Variants in PHACTR1 observed in about 807,000 individuals in gnomAD.
PHACTR1 encodes the protein RPEL repeat containing 1.
PHACTR1 carries 16 observed loss-of-function variants against 69.2 expected under a neutral mutation model. That is an observed-to-expected ratio of 0.23 (90% CI 0.16 to 0.35). The LOEUF is 0.35. PHACTR1 is among the 10% of genes least tolerant of loss of function. The probability of loss-of-function intolerance (pLI) is 1.00; values close to 1 mark genes in which losing one functional copy is unlikely to be tolerated. For missense variants in PHACTR1, 510 were observed against 734.7 expected (o/e 0.69, Z 3.54); for synonymous variants, 312 against 284.5 (o/e 1.10, Z -0.97).
Position 13,152,106 on chromosome 6 carries a change from G to T in PHACTR1, c.416-8098G>T, listed in dbSNP as rs146721047. Among the ~76,000 whole-genome samples the T allele has an allele frequency of 2.1e-3, 320 of 152,312 alleles. 1 individual carries two copies. Among genetic ancestry groups the T allele is most frequent in the Non-Finnish European group, 3.5e-3 (235 of 68,024 alleles). ...CCAGCACTCTGGGAGGTAGAGGTGGGCGGATCATCTGAAGTCAGGAGTTTG... is the reference window on the plus strand; with the variant it reads ...CCAGCACTCTGGGAGGTAGAGGTGGTCGGATCATCTGAAGTCAGGAGTTTG... On this transcript the variant is annotated intron_variant, in intron 5 of 14. Transcript: ENST00000332995.
At chr6:12,830,132 A>AGAAAGAAAGAAAGAAAG (rs1561923938) in intron 4 of PHACTR1, among the ~76,000 whole-genome samples, 1 of 147,226 alleles carries the variant, frequency 6.8e-6, no homozygotes, top group African/African-American at 2.5e-5. Flanking sequence ...AAAGAAAGAA[A>AGAAAGAAAGAAAGAAAG]GAAAGAAAGA....
chr6:13,227,242 C>T (rs187929063), intron 8 of PHACTR1, among the ~76,000 whole-genome samples: 14 of 152,274 alleles, frequency 9.2e-5, no homozygotes, highest in African/African-American at 2.6e-4. Context: ...GTGTCCATCC[C>T]GCTCTTCCCT....
chr6:13,121,433 C>A (rs1818717104), intron 5 of PHACTR1, among the ~76,000 whole-genome samples: 1 of 152,118 alleles, frequency 6.6e-6, no homozygotes, highest in African/African-American at 2.4e-5. Flanking sequence ...GTCACGTCTT[C>A]TCATATTATT....
At chr6:12,924,300 A>G (rs1788023872) in intron 4 of PHACTR1, among the ~76,000 whole-genome samples, 1 of 152,210 alleles carries the variant, frequency 6.6e-6, no homozygotes, top group Non-Finnish European at 1.5e-5. Flanking sequence ...ATTTGTAATT[A>G]TATTTAGGTT....
At chr6:13,067,694 A>G (rs1808866094) in intron 5 of PHACTR1, among the ~76,000 whole-genome samples, 1 of 152,172 alleles carries the variant, frequency 6.6e-6, no homozygotes, top group Non-Finnish European at 1.5e-5. Context: ...CATTCCATTT[A>G]TGTTTTCAAT....
At chr6:12,722,647 G>C (rs1383717604) in intron 3 of PHACTR1, among the ~76,000 whole-genome samples, 2 of 152,186 alleles carry the variant, frequency 1.3e-5, no homozygotes. Flanking sequence ...CTATTCTTCT[G>C]AATAAAGAAC....
intron 4 of PHACTR1, among the ~76,000 whole-genome samples, chr6:13,035,705 A>G (rs909202783): frequency 1.2e-4 from 19 of 152,202 alleles, no homozygotes; most frequent in African/African-American, 3.9e-4. Flanking sequence ...TATTATTCTC[A>G]TTGTAAAGTG....
intron 4 of PHACTR1, among the ~76,000 whole-genome samples, chr6:12,818,046 A>G (rs1490688069): frequency 5.3e-5 from 8 of 152,032 alleles, no homozygotes. Context: ...GATGGTCTCG[A>G]TCTCCTGACC....
intron 4 of PHACTR1, among the ~76,000 whole-genome samples, chr6:13,020,484 C>A (rs568342531): frequency 6.6e-6 from 1 of 152,104 alleles, no homozygotes; most frequent in Admixed American, 6.5e-5. Context: ...GTCATGGACA[C>A]GTAGGTGGGG....
chr6:12,754,266 C>T, intron 4 of PHACTR1, among the ~76,000 whole-genome samples: 1 of 151,822 alleles, frequency 6.6e-6, no homozygotes, highest in Admixed American at 6.6e-5. Context: ...AGCCAGTGCG[C>T]CTGGGCTGGC....
intron 4 of PHACTR1, among the ~76,000 whole-genome samples, chr6:12,946,649 G>A (rs543500637): frequency 4.5e-4 from 68 of 152,046 alleles, no homozygotes; most frequent in Non-Finnish European, 8.2e-4. Flanking sequence ...AAAAAGCAAA[G>A]AAATAAGAAG....
chr6:13,068,567 C>T (rs1809023286), intron 5 of PHACTR1, among the ~76,000 whole-genome samples: 1 of 152,110 alleles, frequency 6.6e-6, no homozygotes, highest in Non-Finnish European at 1.5e-5. Flanking sequence ...TAGATCTAGG[C>T]AGTGTTCATT....
intron 4 of PHACTR1, among the ~76,000 whole-genome samples, chr6:12,764,783 A>G (rs944006357): frequency 1.3e-5 from 2 of 152,114 alleles, no homozygotes; most frequent in Non-Finnish European, 2.9e-5. Flanking sequence ...CCGATTTGCA[A>G]TCTATCATCA....
At chr6:13,126,270 C>T (rs1452686159) in intron 5 of PHACTR1, among the ~76,000 whole-genome samples, 2 of 151,878 alleles carry the variant, frequency 1.3e-5, no homozygotes, top group African/African-American at 4.8e-5. Flanking sequence ...GTATCTGGTA[C>T]CTAGTACGTG....
chr6:12,735,354 C>T (rs1344514123), intron 3 of PHACTR1, among the ~76,000 whole-genome samples: 1 of 152,192 alleles, frequency 6.6e-6, no homozygotes, highest in African/African-American at 2.4e-5. Flanking sequence ...CTTGTGGTCA[C>T]AGAGACCAAG....
At chr6:13,017,323 C>T (rs1413778110) in intron 4 of PHACTR1, among the ~76,000 whole-genome samples, 1 of 151,148 alleles carries the variant, frequency 6.6e-6, no homozygotes, top group African/African-American at 2.4e-5. Context: ...ATTGTGGTGT[C>T]TGTTTATATC....
chr6:13,255,954 G>GT (rs1775129964), intron 10 of PHACTR1, among the ~76,000 whole-genome samples: 1 of 152,190 alleles, frequency 6.6e-6, no homozygotes, highest in Non-Finnish European at 1.5e-5. Context: ...TGGGGACTCT[G>GT]TGGGGGGGGC....
chr6:13,270,740 A>T (rs1486209035), intron 10 of PHACTR1, among the ~76,000 whole-genome samples: 1 of 152,172 alleles, frequency 6.6e-6, no homozygotes, highest in Non-Finnish European at 1.5e-5. Context: ...ATGACCAAAA[A>T]TCCTTTCTCT....
At chr6:12,996,810 C>A (rs943643165) in intron 4 of PHACTR1, among the ~76,000 whole-genome samples, 1 of 152,100 alleles carries the variant, frequency 6.6e-6, no homozygotes, top group Non-Finnish European at 1.5e-5. Context: ...AAATTAAATG[C>A]AGAAATTCTA....
Sources: allele counts gnomAD v4.1 joint callset (sites outside exome capture counted in the v4.1 genomes callset), GRCh38; gene constraint gnomAD v4.1.1; transcripts MANE v1.5; gene names NCBI Gene and HGNC (gene_info 2026-07-23, HGNC 2026-07-21).